Variants in INTS2 observed in about 807,000 individuals in gnomAD.
The protein encoded by INTS2 is integrator complex subunit 2.
INTS2 carries 57 observed loss-of-function variants against 139.6 expected under a neutral mutation model. That is an observed-to-expected ratio of 0.41 (90% CI 0.33 to 0.51). The LOEUF (loss-of-function observed/expected upper bound fraction) is 0.51. Ranked by LOEUF, INTS2 falls within the 20% of genes least tolerant of loss-of-function variation. INTS2 has a pLI of 0.28. For missense variants in INTS2, 1,196 were observed against 1,436.7 expected (o/e 0.83, Z 2.71); for synonymous variants, 473 against 493.4 (o/e 0.96, Z 0.55).
Position 61,873,423 on chromosome 17 carries a change from G to C in INTS2, c.2583-963C>G, listed in dbSNP as rs553179349. Among the ~76,000 whole-genome samples, 1 of 152,062 alleles carries C rather than the reference G, an allele frequency of 6.6e-6. No homozygotes were observed. Among genetic ancestry groups the C allele is most frequent in the Non-Finnish European group, 1.5e-5 (1 of 68,008 alleles). ...AAAAAAGGTTCACAAGTTGTTAAGT[G>C]AAAAATCCGAGCTACAAAAACATTA... On this transcript the variant is annotated intron_variant, in intron 19 of 24. Coordinates refer to ENST00000251334, the MANE Select transcript of INTS2 (RefSeq NM_001351695.2). The surrounding 1 kb of genome is among the most constrained non-coding windows in gnomAD (Gnocchi z 4.0).
At position 61,866,506 on chromosome 17, in the gene INTS2, T is replaced by C. The variant is rs1251998539; in HGVS notation, c.*1051A>G. 2 of 152,166 alleles carry C rather than the reference T, an allele frequency of 1.3e-5. No homozygotes were observed. Among genetic ancestry groups the C allele is most frequent in the Non-Finnish European group, 2.9e-5 (2 of 68,040 alleles). 9.4% of individuals were successfully genotyped at this position (152,166 alleles called of 1,614,324 possible). A position where few individuals can be genotyped will look rare whatever the true frequency, so the allele number is the denominator to read the frequency against. The stretch of plus-strand genomic sequence containing the variant: ...AATGATTAGGGTTTACCTGAATATG[T>C]CTGCCTAATCAATGGAAGTTACTGA... On this transcript the variant is annotated 3_prime_UTR_variant, in exon 25 of 25. Transcript: ENST00000251334.
chr17:61,904,564 C>T lies in INTS2; in HGVS notation c.1203G>A (p.Glu401=), dbSNP rs1482862142. Reference sequence around the variant, plus strand: ...GGCTCGTCATCAACTGCAGTAATTGCTCAGCTTCTTCTTCAGTTGGTCTAA... The same window carrying T: ...GGCTCGTCATCAACTGCAGTAATTGTTCAGCTTCTTCTTCAGTTGGTCTAA... ...AGLKPTEEEA[E]QLLQLMTSRP... is the part of the protein sequence containing the mutation. The change falls in exon 9 of 25, where the codon GAG becomes GAA. Residue 401 remains glutamate, a synonymous_variant. Transcript: ENST00000251334. 6.2e-7 allele frequency: 1 copy of T among 1,611,734 alleles called. No individual in the cohort carries two copies. Among genetic ancestry groups the T allele is most frequent in the Non-Finnish European group, 8.5e-7 (1 of 1,179,104 alleles).
rs773160982 is a variant in INTS2 at position 61,912,009 on chromosome 17, G to A, written c.711C>T (p.Arg237=). 2 of 1,613,718 alleles carry A rather than the reference G, an allele frequency of 1.2e-6. No homozygotes were observed. The highest frequency in any genetic ancestry group is 1.7e-4 in the Middle Eastern group (1 of 6,060). The stretch of plus-strand genomic sequence containing the variant: ...ACAAGAAGCGTAAGGCATCTGTCCT[G>A]CGCCTTCCTCCAAGACTTTCTTCAT... The part of the protein sequence containing the change: ...RQDEESLGGR[R]RTDALRFLCK... Residue 237 remains arginine (R), a synonymous_variant, in exon 6 of 25, where the codon CGC becomes CGT. Transcript: ENST00000251334.
Position 61,869,633 on chromosome 17 carries a change from AT to A in INTS2, c.3030+103del. On this transcript the variant is annotated intron_variant, in intron 21 of 24. Coordinates refer to ENST00000251334, the MANE Select transcript of INTS2 (RefSeq NM_001351695.2). The surrounding 1 kb of genome is among the most constrained non-coding windows in gnomAD (Gnocchi z 5.4). ...TCCATATTGCAAAAGCCCATGGATC[AT>A]TTGTGTTTTCTCTGGTTTCTAAATG... 1 of 1,348,686 alleles carries A rather than the reference AT, an allele frequency of 7.4e-7. No individual in the cohort carries two copies. Among genetic ancestry groups the A allele is most frequent in the South Asian group, 1.4e-5 (1 of 69,378 alleles). 83.5% of individuals were successfully genotyped at this position (1,348,686 alleles called of 1,614,324 possible).
intron 13 of INTS2, among the ~76,000 whole-genome samples, chr17:61,892,008 G>T (rs1160734727): frequency 6.6e-6 from 1 of 152,024 alleles, no homozygotes; most frequent in Non-Finnish European, 1.5e-5. Context: ...TGTCGTCATG[G>T]GAGAGCTCAC....
intron 11 of INTS2, 44 bp from the exon 12 acceptor site, chr17:61,895,427 A>T (rs1339418707): frequency 8.4e-7 from 1 of 1,184,994 alleles, no homozygotes. Flanking sequence ...AAAATATATG[A>T]AACACAATTT....
intron 7 of INTS2, among the ~76,000 whole-genome samples, chr17:61,908,337 C>T (rs1041744726): frequency 1.3e-5 from 2 of 152,126 alleles, no homozygotes; most frequent in African/African-American, 4.8e-5. Context: ...ATCGCTTGAA[C>T]CCAGGAGGCG....
In INTS2 at chr17:61,877,944, C is replaced by A. The variant is rs940812314; in HGVS notation, c.2399G>T (p.Arg800Ile). 3 of 1,613,708 alleles carry A rather than the reference C, an allele frequency of 1.9e-6. No homozygotes were observed. ...SQLLNSGVPRRILQTVNKLWM... is the reference protein window; with the variant it reads ...SQLLNSGVPRIILQTVNKLWM... ...TAGTTTATTGACTGTTTGCAGAATTCTCCGTGGAACCCCTGAATTCAATAG... is the reference window on the plus strand; with the variant it reads ...TAGTTTATTGACTGTTTGCAGAATTATCCGTGGAACCCCTGAATTCAATAG... The change falls in exon 18 of 25, where the codon AGA becomes ATA. Residue 800 changes from arginine to isoleucine, a missense_variant. Arg to Ile is a moderately conservative substitution (Grantham distance 97). This residue lies in a region of INTS2 where 1,129 missense variants were observed against 1,341.9 expected (regional missense o/e 0.84). Coordinates refer to ENST00000251334, the MANE Select transcript of INTS2 (RefSeq NM_001351695.2).
chr17:61,926,331 T>C (rs1221543787), intron 2 of INTS2, 21 bp downstream of exon 2: 2 of 1,538,744 alleles, frequency 1.3e-6, no homozygotes, highest in Admixed American at 2.0e-5. Flanking sequence ...CAAATCCACA[T>C]ATAATATAAC....
In INTS2 at chr17:61,869,614, T is replaced by C; in HGVS notation, c.3030+123A>G. The C allele has an allele frequency of 1.6e-6, 2 of 1,214,252 alleles. No individual in the cohort carries two copies. The highest frequency in any genetic ancestry group is 2.3e-6 in the Non-Finnish European group (2 of 869,058). The allele number at this position is 1,214,252 out of a possible 1,614,324, so 75.2% of individuals were successfully genotyped here. ...CTAAAAATCTGGATTTTTCTCCATATTGCAAAAGCCCATGGATCATTTGTG... is the reference window on the plus strand; with the variant it reads ...CTAAAAATCTGGATTTTTCTCCATACTGCAAAAGCCCATGGATCATTTGTG... On this transcript the variant is annotated intron_variant, in intron 21 of 24. Coordinates refer to ENST00000251334, the MANE Select transcript of INTS2 (RefSeq NM_001351695.2). This position sits in a 1 kb window ranked among gnomAD's most constrained non-coding sequence, Gnocchi z 5.4.
At chr17:61,927,586 CAA>C (rs1159931016) in intron 1 of INTS2, 66 bp downstream of exon 1, 1 of 1,184,702 alleles carries the variant, frequency 8.4e-7, no homozygotes, top group African/African-American at 1.6e-5. Context: ...TCAGGCTGAG[CAA>C]AGTCTGGCCA....
At position 61,870,990 on chromosome 17, in the gene INTS2, C is replaced by T. The variant is rs2079084069; in HGVS notation, c.2779-1002G>A. 6.6e-6 allele frequency among the ~76,000 whole-genome samples: 1 copy of T among 152,072 alleles called. No individual in the cohort carries two copies. The highest frequency in any genetic ancestry group is 6.5e-5 in the Admixed American group (1 of 15,270). On this transcript the variant is annotated intron_variant, in intron 20 of 24. Coordinates refer to ENST00000251334, the MANE Select transcript of INTS2 (RefSeq NM_001351695.2). This position sits in a 1 kb window ranked among gnomAD's most constrained non-coding sequence, Gnocchi z 4.4. Reference sequence around the variant, plus strand: ...AGGTAGGTTATAAAAATTAAATGAGCTAATATATTTAAAGAACTTAGGCTA... The same window carrying T: ...AGGTAGGTTATAAAAATTAAATGAGTTAATATATTTAAAGAACTTAGGCTA...
intron 2 of INTS2, among the ~76,000 whole-genome samples, chr17:61,925,575 TA>T (rs982181922): frequency 2.0e-5 from 3 of 148,662 alleles, no homozygotes; most frequent in African/African-American, 2.5e-5. Context: ...AGACTCGGTC[TA>T]AAAAAAAATA....
At chr17:61,892,710 C>G (rs997431174) in intron 13 of INTS2, among the ~76,000 whole-genome samples, 9 of 150,900 alleles carry the variant, frequency 6.0e-5, no homozygotes, top group African/African-American at 2.2e-4. Flanking sequence ...TTTGGGAGGC[C>G]GAGGTGGGTG....
In INTS2 at chr17:61,908,553, G is replaced by A. The variant is rs894205804; in HGVS notation, c.955-919C>T. Reference sequence around the variant, plus strand: ...AGCACTCAAAGTCTGTTAAGTAGATGAATGAACAGAGATAATACATGTATG... The same window carrying A: ...AGCACTCAAAGTCTGTTAAGTAGATAAATGAACAGAGATAATACATGTATG... On this transcript the variant is annotated intron_variant, in intron 7 of 24. Coordinates refer to ENST00000251334, the MANE Select transcript of INTS2 (RefSeq NM_001351695.2). 4.6e-5 allele frequency among the ~76,000 whole-genome samples: 7 copies of A among 152,180 alleles called. No homozygotes were observed. In the East Asian group the frequency reaches 9.6e-4, roughly 21 times the overall value.
intron 4 of INTS2, 27 bp from the exon 5 acceptor site, chr17:61,919,540 T>G (rs765848506): frequency 4.7e-6 from 6 of 1,271,370 alleles, no homozygotes; most frequent in Non-Finnish European, 4.5e-6. Context: ...TCAGTGTTAG[T>G]CTTTGTTAAC....
At position 61,893,381 on chromosome 17, in the gene INTS2, T is replaced by C. The variant is rs2079315518; in HGVS notation, c.1698+384A>G. Among the ~76,000 whole-genome samples the C allele has an allele frequency of 6.6e-6, 1 of 151,970 alleles. No individual in the cohort carries two copies. Among genetic ancestry groups the C allele is most frequent in the Non-Finnish European group, 1.5e-5 (1 of 68,008 alleles). ...CTGAAATACAACTGGGGAGAAAGCATTAATTTAGGTTGTTCTTTGAAATAT... is the reference window on the plus strand; with the variant it reads ...CTGAAATACAACTGGGGAGAAAGCACTAATTTAGGTTGTTCTTTGAAATAT... On this transcript the variant is annotated intron_variant, in intron 13 of 24. Coordinates refer to ENST00000251334, the MANE Select transcript of INTS2 (RefSeq NM_001351695.2). The surrounding 1 kb of genome is among the most constrained non-coding windows in gnomAD (Gnocchi z 5.4).
chr17:61,925,570 C>A (rs1410963078), intron 2 of INTS2, among the ~76,000 whole-genome samples: 2 of 150,244 alleles, frequency 1.3e-5, no homozygotes, highest in African/African-American at 4.9e-5. Context: ...GGGCAAGACT[C>A]GGTCTAAAAA....
rs1325516091 is a variant in INTS2, at chr17:61,882,820, A to G, written c.2090-1649T>C. Reference sequence around the variant, plus strand: ...AGTGCTTCACACATAAGTACCTAATAAATATTGTTGCTACCATACTATTAT... The same window carrying G: ...AGTGCTTCACACATAAGTACCTAATGAATATTGTTGCTACCATACTATTAT... On this transcript the variant is annotated intron_variant, in intron 16 of 24. Coordinates refer to ENST00000251334, the MANE Select transcript of INTS2 (RefSeq NM_001351695.2). The surrounding 1 kb of genome is among the most constrained non-coding windows in gnomAD (Gnocchi z 4.7). Among the ~76,000 whole-genome samples, 1 of 152,224 alleles carries G rather than the reference A, an allele frequency of 6.6e-6. No homozygotes were observed. The highest frequency in any genetic ancestry group is 2.4e-5 in the African/African-American group (1 of 41,460).
Sources: gnomAD v4.1 joint callset for allele counts (sites outside exome capture counted in the v4.1 genomes callset) on GRCh38, gnomAD v4.1.1 for gene constraint, gnomAD v4.1.1 regional missense constraint, Gnocchi (gnomAD v3.1) non-coding constraint, MANE v1.5 for transcripts, NCBI Gene and HGNC (gene_info 2026-07-23, HGNC 2026-07-21) for gene names.